The following ZYG11B variants were observed in gnomAD, a reference collection of about 807,000 sequenced individuals.
ZYG11B encodes zyg-11 family member B, cell cycle regulator.
ZYG11B carries 36 observed loss-of-function variants against 82.4 expected under a neutral mutation model. The ratio of observed to expected loss-of-function variants is 0.44; its 90% confidence interval spans 0.33 to 0.58. The LOEUF is 0.58. Among genes scored for constraint, ZYG11B ranks in the 20% least tolerant of loss-of-function variants. The pLI is 0.02. For missense variants in ZYG11B, 552 were observed against 895.6 expected, an observed-to-expected ratio of 0.62 and a Z score of 4.90; for synonymous variants, 303 against 312.8, an observed-to-expected ratio of 0.97 and a Z score of 0.33.
intron 1 of ZYG11B, among the ~76,000 whole-genome samples, chr1:52,742,982 G>A (rs76884263): frequency 1.3e-5 from 2 of 151,762 alleles, no homozygotes; most frequent in African/African-American, 4.8e-5. Flanking sequence ...GGAGGTGGGG[G>A]GCGCCTCTGC....
chr1:52,763,131 C>T (rs1644649093), intron 2 of ZYG11B, among the ~76,000 whole-genome samples: 1 of 152,008 alleles, frequency 6.6e-6, no homozygotes, highest in East Asian at 1.9e-4. Context: ...TCTAGGGTTT[C>T]TCTTCTGTTT....
intron 4 of ZYG11B, among the ~76,000 whole-genome samples, chr1:52,783,492 G>A (rs767047655): frequency 6.6e-6 from 1 of 151,810 alleles, no homozygotes; most frequent in Non-Finnish European, 1.5e-5. Context: ...GACCCCAAAA[G>A]ATTCCTTATG....
At chr1:52,803,149 T>C (rs1465442495) in intron 10 of ZYG11B, among the ~76,000 whole-genome samples, 9 of 69,748 alleles carry the variant, frequency 1.3e-4, no homozygotes, top group East Asian at 7.5e-4. Flanking sequence ...CATATATATA[T>C]ATATACACAT....
chr1:52,743,505 A>G (rs1344107781), intron 1 of ZYG11B, among the ~76,000 whole-genome samples: 1 of 151,646 alleles, frequency 6.6e-6, no homozygotes, highest in Non-Finnish European at 1.5e-5. Flanking sequence ...TTTGCTCAGG[A>G]GTTCGAGACC....
chr1:52,786,097 A>G (rs1365394893), intron 5 of ZYG11B, among the ~76,000 whole-genome samples: 1 of 152,248 alleles, frequency 6.6e-6, no homozygotes, highest in Non-Finnish European at 1.5e-5. Context: ...ATGAAAGTAA[A>G]AATTAATAAA....
chr1:52,812,825 T>C (rs1451233244), intron 10 of ZYG11B, among the ~76,000 whole-genome samples: 3 of 151,110 alleles, frequency 2.0e-5, no homozygotes, highest in Non-Finnish European at 4.4e-5. Flanking sequence ...CTCCCGGGTT[T>C]AGGTGACTCT....
chr1:52,726,750 C>G, intron 1 of ZYG11B, 67 bp downstream of exon 1: 1 of 1,404,798 alleles, frequency 7.1e-7, no homozygotes, highest in South Asian at 1.5e-5. Flanking sequence ...TCGCGCTGGC[C>G]CCTGCGGTCT....
chr1:52,754,179 C>T (rs894956779), intron 1 of ZYG11B: 1 of 150,104 alleles, frequency 6.7e-6, no homozygotes, highest in Non-Finnish European at 1.5e-5. Context: ...ACACCTACAA[C>T]CACACCAGCT....
At chr1:52,756,852 C>G (rs1228770657) in intron 2 of ZYG11B, among the ~76,000 whole-genome samples, 2 of 136,254 alleles carry the variant, frequency 1.5e-5, no homozygotes, top group Non-Finnish European at 3.1e-5. Flanking sequence ...GGGTCTCACT[C>G]TGTTACCCAG....
intron 4 of ZYG11B, among the ~76,000 whole-genome samples, chr1:52,781,928 G>T (rs2149945507): frequency 6.6e-6 from 1 of 151,178 alleles, no homozygotes; most frequent in East Asian, 1.9e-4. Flanking sequence ...TATATGAATT[G>T]TCTTTTTTTT....
intron 6 of ZYG11B, among the ~76,000 whole-genome samples, chr1:52,794,842 C>T (rs747240539): frequency 6.6e-6 from 1 of 152,204 alleles, no homozygotes; most frequent in African/African-American, 2.4e-5. Context: ...TCATCCATTT[C>T]TCTTCACTTC....
intron 8 of ZYG11B, among the ~76,000 whole-genome samples, chr1:52,797,380 T>TA (rs1645030967): frequency 1.2e-5 from 1 of 84,338 alleles, no homozygotes; most frequent in Non-Finnish European, 2.1e-5. Context: ...ATATAATATA[T>TA]AATACATATA....
At chr1:52,819,034 C>T (rs950568003) in intron 13 of ZYG11B, among the ~76,000 whole-genome samples, 12 of 152,114 alleles carry the variant, frequency 7.9e-5, no homozygotes, top group Non-Finnish European at 2.9e-5. Context: ...GCCTTGGCCT[C>T]TCAAAGTGCT....
At chr1:52,761,998 A>G (rs1644635773) in intron 2 of ZYG11B, among the ~76,000 whole-genome samples, 1 of 152,118 alleles carries the variant, frequency 6.6e-6, no homozygotes, top group Non-Finnish European at 1.5e-5. Flanking sequence ...TCATTTGCCC[A>G]CTTTTAAATT....
chr1:52,783,871 C>T (rs374941682), intron 4 of ZYG11B, among the ~76,000 whole-genome samples: 1 of 140,800 alleles, frequency 7.1e-6, no homozygotes, highest in African/African-American at 2.8e-5. Context: ...TATGTACATA[C>T]ACGTGTGTGT....
rs141320824 is a variant in ZYG11B at position 52,768,456 on chromosome 1, C to T, written c.197-2564C>T. ...TTATATCCCCAGAAATGCACTGCAT[C>T]TATGGCTCTAGCTATTTCTTATGTT... On this transcript the variant is annotated intron_variant, in intron 2 of 13. Coordinates refer to ENST00000294353, the MANE Select transcript of ZYG11B (RefSeq NM_024646.3). Among the ~76,000 whole-genome samples, 17 of 152,286 alleles carry T rather than the reference C, an allele frequency of 1.1e-4. 1 individual carries two copies. The highest frequency in any genetic ancestry group is 3.1e-4 in the African/African-American group (13 of 41,568).
intron 1 of ZYG11B, among the ~76,000 whole-genome samples, chr1:52,751,740 A>G (rs1644526198): frequency 6.6e-6 from 1 of 152,092 alleles, no homozygotes; most frequent in Admixed American, 6.6e-5. Context: ...TTTGTATGCT[A>G]ATGAGTTGAC....
intron 13 of ZYG11B, among the ~76,000 whole-genome samples, chr1:52,817,811 ATATATTTTTTTTTTTTTTTTTTTTTT>A (rs1645247105): frequency 3.2e-4 from 12 of 36,948 alleles, no homozygotes; most frequent in Admixed American, 9.2e-4. Context: ...ATATATATAT[ATATATTTTTTTTTTTTTTTTTTTTTT>A]TTTTTTTTTT....
chr1:52,795,026 C>G (rs577492472), intron 6 of ZYG11B, among the ~76,000 whole-genome samples: 1 of 152,298 alleles, frequency 6.6e-6, no homozygotes, highest in African/African-American at 2.4e-5. Context: ...ATGGCTTTCC[C>G]TCTCATTCAG....
Sources: allele counts gnomAD v4.1 joint callset (sites outside exome capture counted in the v4.1 genomes callset), GRCh38; gene constraint gnomAD v4.1.1; transcripts MANE v1.5; gene names NCBI Gene and HGNC (gene_info 2026-07-23, HGNC 2026-07-21).